CNTNAP5: variants seen among roughly 807,000 people sequenced by gnomAD.
The protein encoded by CNTNAP5 is contactin-associated protein-like 5.
A neutral mutation model predicts 150.2 loss-of-function variants in CNTNAP5; 72 were observed. The ratio of observed to expected loss-of-function variants is 0.48; its 90% CI spans 0.40 to 0.58. The LOEUF (loss-of-function observed/expected upper bound fraction) is 0.58, where lower values mean the gene tolerates loss of function less well. CNTNAP5 is among the 20% of genes least tolerant of loss of function. The probability of loss-of-function intolerance (pLI) is 0.00; values close to 1 mark genes in which losing one functional copy is unlikely to be tolerated. For synonymous variants in CNTNAP5, 672 were observed against 619.8 expected, an observed-to-expected ratio of 1.08 and a Z score of -1.25; for missense variants, 1,636 against 1,626.2, an observed-to-expected ratio of 1.01 and a Z score of -0.10.
In CNTNAP5 at chr2:124,914,834, C is replaced by T. The variant is rs1678730088; in HGVS notation, c.*546C>T. On this transcript the variant is annotated 3_prime_UTR_variant, in exon 24 of 24. Coordinates refer to ENST00000682447, the MANE Select transcript of CNTNAP5 (RefSeq NM_001367498.1). ...TTTGCTTTCTTTACCATAAGCAATC[C>T]CTTGCCTTAACTCATCACCCTTTTT... 6.6e-6 allele frequency: 1 copy of T among 152,126 alleles called. No homozygotes were observed. The highest frequency in any genetic ancestry group is 1.5e-5 in the Non-Finnish European group (1 of 68,226). 9.4% of individuals were successfully genotyped at this position (152,126 alleles called of 1,614,324 possible).
intron 13 of CNTNAP5, among the ~76,000 whole-genome samples, chr2:124,731,248 G>T (rs1680264085): frequency 6.6e-6 from 1 of 151,988 alleles, no homozygotes; most frequent in African/African-American, 2.4e-5. Flanking sequence ...TGTTCTCTTT[G>T]ATGTATTTGC....
rs375441054 is a variant in CNTNAP5 at position 124,176,947 on chromosome 2, C to A, written c.83-44758C>A. Among the ~76,000 whole-genome samples the A allele has an allele frequency of 3.0e-4, 45 of 149,070 alleles. No homozygotes were observed. The East Asian group carries it at 7.1e-3, about 24-fold the overall frequency. ...GCAACTTCTGCCTCCTGGGTTCAAGCAATTATCTTGCCTCAGCCTCCCAAA... is the reference window on the plus strand; with the variant it reads ...GCAACTTCTGCCTCCTGGGTTCAAGAAATTATCTTGCCTCAGCCTCCCAAA... On this transcript the variant is annotated intron_variant, in intron 1 of 23. Coordinates refer to ENST00000682447, the MANE Select transcript of CNTNAP5 (RefSeq NM_001367498.1).
intron 16 of CNTNAP5, among the ~76,000 whole-genome samples, chr2:124,766,936 A>G (rs1404776242): frequency 1.3e-5 from 2 of 152,208 alleles, no homozygotes; most frequent in Non-Finnish European, 2.9e-5. Context: ...ACAAGATTTT[A>G]TATAAAAACA....
chr2:124,318,536 G>A lies in CNTNAP5; in HGVS notation c.381+76143G>A, dbSNP rs561288184. ...CACAGTCAGGCTTTATCATTTTTAA[G>A]GAATGTCTAAAATTCTATTAAGTGT... On this transcript the variant is annotated intron_variant, in intron 3 of 23. Coordinates refer to ENST00000682447, the MANE Select transcript of CNTNAP5 (RefSeq NM_001367498.1). 3.3e-5 allele frequency among the ~76,000 whole-genome samples: 5 copies of A among 152,278 alleles called. No homozygotes were observed. In the South Asian group the frequency reaches 1.0e-3, roughly 32 times the overall value.
At chr2:124,194,933 G>A (rs1558795760) in intron 1 of CNTNAP5, among the ~76,000 whole-genome samples, 1 of 151,886 alleles carries the variant, frequency 6.6e-6, no homozygotes, top group Non-Finnish European at 1.5e-5. Flanking sequence ...AATTCAGTAA[G>A]TAATTGCTGT....
intron 1 of CNTNAP5, among the ~76,000 whole-genome samples, chr2:124,094,462 T>A (rs1558753183): frequency 6.6e-6 from 1 of 152,224 alleles, no homozygotes; most frequent in African/African-American, 2.4e-5. Flanking sequence ...ATCACCCACA[T>A]TGCAAATGTC....
chr2:124,718,697 G>A (rs1357862834), intron 13 of CNTNAP5, among the ~76,000 whole-genome samples: 1 of 152,018 alleles, frequency 6.6e-6, no homozygotes, highest in Non-Finnish European at 1.5e-5. Context: ...AGAATGGGAA[G>A]TAAGGCCGGG....
chr2:124,414,301 C>T, intron 3 of CNTNAP5, among the ~76,000 whole-genome samples: 1 of 152,034 alleles, frequency 6.6e-6, no homozygotes, highest in Non-Finnish European at 1.5e-5. Context: ...TGACTTTGAT[C>T]CACTGGTGAA....
intron 12 of CNTNAP5, among the ~76,000 whole-genome samples, chr2:124,643,894 T>C (rs1460631921): frequency 1.3e-5 from 2 of 152,214 alleles, no homozygotes; most frequent in African/African-American, 2.4e-5. Context: ...ATTGGTGCCA[T>C]TGCTGCTTTT....
intron 19 of CNTNAP5, among the ~76,000 whole-genome samples, chr2:124,838,183 T>G (rs952962632): frequency 3.9e-5 from 6 of 152,270 alleles, no homozygotes; most frequent in Admixed American, 3.3e-4. Context: ...ATGTGCCAGA[T>G]ACTCTTAAAG....
chr2:124,851,337 C>T (rs1558800186), intron 19 of CNTNAP5, among the ~76,000 whole-genome samples: 1 of 152,020 alleles, frequency 6.6e-6, no homozygotes, highest in Non-Finnish European at 1.5e-5. Context: ...GCCTGGGCAA[C>T]AAAAGAGAAA....
chr2:124,235,745 C>T (rs925331989), intron 2 of CNTNAP5, among the ~76,000 whole-genome samples: 3 of 152,142 alleles, frequency 2.0e-5, no homozygotes, highest in Non-Finnish European at 4.4e-5. Context: ...AGACATTACT[C>T]TTTTGGCAGC....
chr2:124,179,300 C>T (rs797008649), intron 1 of CNTNAP5, among the ~76,000 whole-genome samples: 2 of 152,108 alleles, frequency 1.3e-5, no homozygotes, highest in African/African-American at 2.4e-5. Flanking sequence ...GCTGGGATTA[C>T]AGGCATGTGC....
intron 1 of CNTNAP5, among the ~76,000 whole-genome samples, chr2:124,219,629 G>A (rs59770532): frequency 2.0e-5 from 3 of 151,990 alleles, no homozygotes; most frequent in African/African-American, 7.2e-5. Context: ...TTTTCTATGG[G>A]GCTCACTTTT....
At chr2:124,040,320 T>C (rs1681333087) in intron 1 of CNTNAP5, among the ~76,000 whole-genome samples, 1 of 152,174 alleles carries the variant, frequency 6.6e-6, no homozygotes, top group Admixed American at 6.5e-5. Flanking sequence ...GGATAGTAAG[T>C]ACACATTGGA....
intron 11 of CNTNAP5, among the ~76,000 whole-genome samples, chr2:124,597,682 C>T (rs1314346630): frequency 2.0e-5 from 3 of 150,994 alleles, no homozygotes; most frequent in African/African-American, 7.3e-5. Flanking sequence ...TGAATCTGAA[C>T]GTTGGCCTGC....
At chr2:124,026,571 A>G (rs1349902910) in intron 1 of CNTNAP5, among the ~76,000 whole-genome samples, 1 of 152,202 alleles carries the variant, frequency 6.6e-6, no homozygotes, top group Non-Finnish European at 1.5e-5. Flanking sequence ...TTCAGGCTCA[A>G]TTCCTCAGCT....
At chr2:124,791,149 T>A (rs1213451449) in intron 18 of CNTNAP5, among the ~76,000 whole-genome samples, 1 of 152,206 alleles carries the variant, frequency 6.6e-6, no homozygotes, top group Non-Finnish European at 1.5e-5. Context: ...CAATGGTTTA[T>A]TTAGTCCAGC....
chr2:124,049,242 G>A (rs1487080387), intron 1 of CNTNAP5, among the ~76,000 whole-genome samples: 2 of 152,158 alleles, frequency 1.3e-5, no homozygotes, highest in Admixed American at 6.5e-5. Context: ...AGGAAATGAG[G>A]TGGGAAACTA....
Sources: gnomAD v4.1 joint callset for allele counts (sites outside exome capture counted in the v4.1 genomes callset) on GRCh38, gnomAD v4.1.1 for gene constraint, MANE v1.5 for transcripts, NCBI Gene and HGNC (gene_info 2026-07-23, HGNC 2026-07-21) for gene names.